The following DCN variants were observed in gnomAD, a reference collection of about 807,000 sequenced individuals.
DCN encodes the protein bone proteoglycan II.
In DCN, 17 loss-of-function variants were observed where a neutral mutation model predicts 36.5. The ratio of observed to expected loss-of-function variants is 0.47; its 90% CI spans 0.32 to 0.70. DCN has a LOEUF of 0.70. Ranked by LOEUF, DCN falls within the 30% of genes least tolerant of loss-of-function variation. The pLI is 0.04. For synonymous variants in DCN, 163 were observed against 161.4 expected (o/e 1.01, Z -0.07); for missense variants, 389 against 430.1 (o/e 0.90, Z 0.84).
At chr12:91,150,672 A>G (rs548368586) in intron 7 of DCN, 1 of 152,320 alleles carries the variant, frequency 6.6e-6, no homozygotes, top group African/African-American at 2.4e-5. Flanking sequence ...CCATTGTGAA[A>G]GACAGTGTAG....
At chr12:91,152,387 T>A (rs1331995001) in intron 6 of DCN, among the ~76,000 whole-genome samples, 1 of 152,104 alleles carries the variant, frequency 6.6e-6, no homozygotes, top group Non-Finnish European at 1.5e-5. Context: ...AATGAGTAAA[T>A]CTGGCATGAT....
chr12:91,148,142 C>T (rs1350799238), intron 7 of DCN, among the ~76,000 whole-genome samples: 2 of 151,308 alleles, frequency 1.3e-5, no homozygotes, highest in African/African-American at 4.9e-5. Context: ...GTCGCAATCT[C>T]GGCTCACTGC....
chr12:91,171,554 AG>A (rs1245302471), intron 2 of DCN, among the ~76,000 whole-genome samples: 3 of 152,144 alleles, frequency 2.0e-5, no homozygotes, highest in African/African-American at 7.2e-5. Context: ...ATTTGAGACT[AG>A]GTCAGAAAAG....
At chr12:91,169,397 A>AAAAAC (rs1565785749) in intron 2 of DCN, among the ~76,000 whole-genome samples, 4 of 151,146 alleles carry the variant, frequency 2.6e-5, no homozygotes, top group African/African-American at 7.3e-5. Flanking sequence ...AAAAAAAAAA[A>AAAAAC]AAAACCAAAA....
intron 3 of DCN, among the ~76,000 whole-genome samples, chr12:91,160,585 CTTAACCT>C (rs963055546): frequency 2.0e-5 from 3 of 152,100 alleles, no homozygotes; most frequent in African/African-American, 7.2e-5. Context: ...GAGCATGTAA[CTTAACCT>C]TTCTGTGCCC....
chr12:91,177,450 A>G (rs1438945075), intron 2 of DCN: 4 of 638,518 alleles, frequency 6.3e-6, no homozygotes, highest in Non-Finnish European at 1.1e-5. Flanking sequence ...CATGATATAA[A>G]GATTTTTTTT....
rs1881843295 is a variant in DCN at position 91,157,207 on chromosome 12, C to T, written c.539-19G>A. The T allele has an allele frequency of 1.9e-6, 3 of 1,572,002 alleles. No homozygotes were observed. The South Asian group carries it at 3.3e-5, about 17-fold the overall frequency. On this transcript the variant is annotated intron_variant, in intron 4 of 7. Transcript: ENST00000052754. Reference sequence around the variant, plus strand: ...CCCAGTTCTACAAATGTAATAAGTGCAAGGCTTTTAGAGGAAATTTTAGGA... The same window carrying T: ...CCCAGTTCTACAAATGTAATAAGTGTAAGGCTTTTAGAGGAAATTTTAGGA...
chr12:91,168,098 T>TGGGATTACA (rs1275328973), intron 2 of DCN, among the ~76,000 whole-genome samples: 1 of 152,178 alleles, frequency 6.6e-6, no homozygotes, highest in Non-Finnish European at 1.5e-5. Flanking sequence ...CCCAAAGTGC[T>TGGGATTACA]GGGATTACAG....
intron 6 of DCN, among the ~76,000 whole-genome samples, chr12:91,152,314 T>TATAAGACATATATATATAC (rs199719021): frequency 0.017 from 2,547 of 151,994 alleles, 69 homozygotes; most frequent in African/African-American, 0.058. Flanking sequence ...TATATATATA[T>TATAAGACATATATATATAC]ACACATTCAA....
At chr12:91,173,297 G>T (rs1041823972) in intron 2 of DCN, among the ~76,000 whole-genome samples, 5 of 152,114 alleles carry the variant, frequency 3.3e-5, no homozygotes, top group African/African-American at 1.2e-4. Context: ...AATCACAGCT[G>T]CAATCTCACA....
chr12:91,162,748 G>A (rs1036756486), intron 3 of DCN, among the ~76,000 whole-genome samples: 1 of 151,954 alleles, frequency 6.6e-6, no homozygotes, highest in African/African-American at 2.4e-5. Flanking sequence ...TTTTAATATT[G>A]AATAAAAATC....
chr12:91,180,789 T>C (rs1868366906), intron 1 of DCN: 1 of 152,166 alleles, frequency 6.6e-6, no homozygotes, highest in Admixed American at 6.6e-5. Flanking sequence ...ATGCAATGTT[T>C]ATGGTTTACC....
chr12:91,172,860 A>T, intron 2 of DCN: 1 of 633,692 alleles, frequency 1.6e-6, no homozygotes. Flanking sequence ...TTATTGCAAT[A>T]CTTCTTTTCT....
chr12:91,145,642 T>C lies in DCN; in HGVS notation c.*416A>G, dbSNP rs1003775756. 2.1e-5 allele frequency: 6 copies of C among 282,648 alleles called. 1 individual carries two copies. Among genetic ancestry groups the C allele is most frequent in the Middle Eastern group, 8.4e-4 (2 of 2,392 alleles). The allele number at this position is 282,648 out of a possible 1,614,324, so 17.5% of individuals were successfully genotyped here. A position where few individuals can be genotyped will look rare whatever the true frequency, so the allele number is the denominator to read the frequency against. On this transcript the variant is annotated 3_prime_UTR_variant, in exon 8 of 8. Transcript: ENST00000052754. ...GAGGCTTTACCAGTAATGATGGGGA[T>C]TAATACAGAGCTAGTGTTTGGCATT...
intron 2 of DCN, among the ~76,000 whole-genome samples, chr12:91,174,629 T>G (rs1035784863): frequency 6.6e-6 from 1 of 152,086 alleles, no homozygotes; most frequent in Non-Finnish European, 1.5e-5. Context: ...TAAGATATAT[T>G]TCCATTTATC....
rs1171553821 is a variant in DCN at position 91,176,558 on chromosome 12, A to G, written c.211+1784T>C. ...ACAATTGACTTATGCCTTTTTACAT[A>G]ACAGAGAATTGGAAAACTGGCCCAG... On this transcript the variant is annotated intron_variant, in intron 2 of 7. Transcript: ENST00000052754. 2.0e-5 allele frequency: 3 copies of G among 152,264 alleles called. No individual in the cohort carries two copies. In the East Asian group the frequency reaches 5.8e-4, roughly 29 times the overall value. The allele number at this position is 152,264 out of a possible 1,614,324, so 9.4% of individuals were successfully genotyped here.
intron 7 of DCN, among the ~76,000 whole-genome samples, chr12:91,147,261 C>T (rs748180654): frequency 2.0e-5 from 3 of 152,134 alleles, no homozygotes; most frequent in Admixed American, 6.5e-5. Flanking sequence ...TTATCAACAC[C>T]GTTTACTCAA....
intron 5 of DCN, among the ~76,000 whole-genome samples, chr12:91,155,907 A>G (rs889556557): frequency 6.6e-6 from 1 of 152,104 alleles, no homozygotes; most frequent in Admixed American, 6.6e-5. Context: ...TGGAATATGT[A>G]CTCTCAGGAG....
chr12:91,181,466 G>GT (rs1868399523), intron 1 of DCN, among the ~76,000 whole-genome samples: 1 of 152,022 alleles, frequency 6.6e-6, no homozygotes, highest in Admixed American at 6.6e-5. Flanking sequence ...TTATTGAGAT[G>GT]ATATGCTGTT....
Sources: gnomAD v4.1 joint callset for allele counts (sites outside exome capture counted in the v4.1 genomes callset) on GRCh38, gnomAD v4.1.1 for gene constraint, MANE v1.5 for transcripts, NCBI Gene and HGNC (gene_info 2026-07-23, HGNC 2026-07-21) for gene names.